Variants in VIPR2 observed in about 807,000 individuals in gnomAD.
The protein encoded by VIPR2 is vasoactive intestinal polypeptide receptor 2.
A neutral mutation model predicts 58.0 loss-of-function variants in VIPR2; 48 were observed. That is an observed-to-expected ratio of 0.83 (90% CI 0.66 to 1.05). The LOEUF (loss-of-function observed/expected upper bound fraction) is 1.05. VIPR2 is among the 50% of genes least tolerant of loss of function. The pLI is 0.00. For synonymous variants in VIPR2, 243 were observed against 235.2 expected, an observed-to-expected ratio of 1.03 and a Z score of -0.30; for missense variants, 534 against 558.0, an observed-to-expected ratio of 0.96 and a Z score of 0.43.
chr7:159,063,524 C>T (rs1164043171), intron 4 of VIPR2, among the ~76,000 whole-genome samples: 3 of 151,998 alleles, frequency 2.0e-5, no homozygotes, highest in African/African-American at 7.2e-5. Context: ...TCCACACCTC[C>T]CTGCAAGCTG....
intron 2 of VIPR2, among the ~76,000 whole-genome samples, chr7:159,118,617 G>A (rs1796334915): frequency 1.3e-5 from 2 of 152,246 alleles, no homozygotes; most frequent in Non-Finnish European, 2.9e-5. Context: ...CATGAGCCCA[G>A]CTCCACTAGC....
chr7:159,034,542 A>G, intron 9 of VIPR2, 39 bp downstream of exon 9: 1 of 1,586,032 alleles, frequency 6.3e-7, no homozygotes, highest in Non-Finnish European at 8.7e-7. Flanking sequence ...CAAGTGTGTG[A>G]TTCCACAGAT....
chr7:159,129,304 G>C (rs1195766473), intron 2 of VIPR2, among the ~76,000 whole-genome samples: 1 of 129,592 alleles, frequency 7.7e-6, no homozygotes. Context: ...CAGGTGACCA[G>C]CTTCACACTC....
At chr7:159,073,542 C>T (rs895471030) in intron 4 of VIPR2, among the ~76,000 whole-genome samples, 1 of 152,070 alleles carries the variant, frequency 6.6e-6, no homozygotes, top group Admixed American at 6.5e-5. Context: ...CTTAGCCTCC[C>T]GAGTAGCTGG....
Position 159,142,450 on chromosome 7 carries a change from G to A in VIPR2, c.147C>T (p.His49=). 1 of 1,612,376 alleles carries A rather than the reference G, an allele frequency of 6.2e-7. No individual in the cohort carries two copies. The highest frequency in any genetic ancestry group is 8.5e-7 in the Non-Finnish European group (1 of 1,179,162). The change falls in exon 2 of 13, where the codon CAC becomes CAT. Residue 49 remains histidine (H), a synonymous_variant. Coordinates refer to ENST00000262178, the MANE Select transcript of VIPR2 (RefSeq NM_003382.5). ...AELLRSQTEK[H]KACSGVWDNI... is the part of the protein sequence containing the mutation. ...CTCACCAAGCCTCTGCCTTACCTTTGTGTTTTTCTGTTTGAGACCTCAGAA... is the reference window on the plus strand; with the variant it reads ...CTCACCAAGCCTCTGCCTTACCTTTATGTTTTTCTGTTTGAGACCTCAGAA...
intron 8 of VIPR2, among the ~76,000 whole-genome samples, chr7:159,035,146 C>T (rs1173984956): frequency 6.6e-6 from 1 of 152,202 alleles, no homozygotes; most frequent in Non-Finnish European, 1.5e-5. Flanking sequence ...TTGTAAAACG[C>T]CTCAGTGATT....
At chr7:159,113,985 T>C (rs1400530550) in intron 2 of VIPR2, among the ~76,000 whole-genome samples, 1 of 152,226 alleles carries the variant, frequency 6.6e-6, no homozygotes, top group Non-Finnish European at 1.5e-5. Context: ...GAGACTATTA[T>C]CTTCATACAG....
chr7:159,088,143 C>T (rs1477564213), intron 4 of VIPR2, among the ~76,000 whole-genome samples: 2 of 152,210 alleles, frequency 1.3e-5, no homozygotes, highest in Non-Finnish European at 2.9e-5. Context: ...AATGGTTCTT[C>T]CTCTACCTAC....
chr7:159,054,632 G>A (rs559095831), intron 5 of VIPR2, among the ~76,000 whole-genome samples: 51 of 152,330 alleles, frequency 3.3e-4, no homozygotes, highest in Admixed American at 3.3e-4. Flanking sequence ...AGACGCACAA[G>A]AATGGCTGAA....
At chr7:159,075,998 T>C (rs995137747) in intron 4 of VIPR2, among the ~76,000 whole-genome samples, 4 of 152,350 alleles carry the variant, frequency 2.6e-5, no homozygotes, top group African/African-American at 9.6e-5. Context: ...TTGCCCATTT[T>C]CTTGAGTAAT....
intron 3 of VIPR2, among the ~76,000 whole-genome samples, chr7:159,105,722 C>T (rs185549646): frequency 5.8e-4 from 88 of 152,330 alleles, no homozygotes; most frequent in African/African-American, 2.0e-3. Context: ...AGACCCCATA[C>T]ACGGTAGAGG....
intron 2 of VIPR2, among the ~76,000 whole-genome samples, chr7:159,118,866 C>T (rs1216378247): frequency 6.6e-6 from 1 of 152,258 alleles, no homozygotes; most frequent in Non-Finnish European, 1.5e-5. Flanking sequence ...TCCGAGTGCA[C>T]AGAACCGAGG....
At chr7:159,121,823 C>T (rs958102711) in intron 2 of VIPR2, among the ~76,000 whole-genome samples, 1 of 152,152 alleles carries the variant, frequency 6.6e-6, no homozygotes, top group Non-Finnish European at 1.5e-5. Context: ...GGACTTTTAT[C>T]CTGTCCTTTT....
chr7:159,125,463 G>C (rs1408077564), intron 2 of VIPR2, among the ~76,000 whole-genome samples: 1 of 152,196 alleles, frequency 6.6e-6, no homozygotes, highest in Non-Finnish European at 1.5e-5. Context: ...GGACTGGAAA[G>C]GCCACAGAGC....
intron 3 of VIPR2, among the ~76,000 whole-genome samples, chr7:159,107,644 C>T (rs756121279): frequency 6.0e-5 from 9 of 150,352 alleles, no homozygotes; most frequent in South Asian, 2.1e-4. Context: ...CTTCTGGAAC[C>T]GCTGCAGGGC....
chr7:159,088,377 T>C (rs1342501970), intron 4 of VIPR2, among the ~76,000 whole-genome samples: 4 of 151,672 alleles, frequency 2.6e-5, no homozygotes, highest in Non-Finnish European at 5.9e-5. Context: ...GTAGCATACC[T>C]GTACACCACA....
At position 159,127,960 on chromosome 7, in the gene VIPR2, A is replaced by AT. The variant is rs1398421625; in HGVS notation, c.151+14485dup. On this transcript the variant is annotated intron_variant, in intron 2 of 12. Transcript: ENST00000262178. This position sits in a 1 kb window ranked among gnomAD's most constrained non-coding sequence, Gnocchi z 4.6. ...TCCAAGGACAATCTTCCATAGATTT[A>AT]TGATTGGGACTTGTGTCTCTTCCTG... Among the ~76,000 whole-genome samples, 1 of 152,166 alleles carries AT rather than the reference A, an allele frequency of 6.6e-6. No homozygotes were observed. The highest frequency in any genetic ancestry group is 2.4e-5 in the African/African-American group (1 of 41,436).
chr7:159,063,136 C>T (rs2540346), intron 4 of VIPR2, among the ~76,000 whole-genome samples: 97,864 of 152,064 alleles, frequency 0.64, 32,476 homozygotes, highest in East Asian at 0.73. Context: ...TTTTGCGCTG[C>T]GTGCCCGCAG....
rs117079151 is a variant in VIPR2, at chr7:159,100,576, G to A, written c.357+3181C>T. On this transcript the variant is annotated intron_variant, in intron 4 of 12. Coordinates refer to ENST00000262178, the MANE Select transcript of VIPR2 (RefSeq NM_003382.5). The stretch of plus-strand genomic sequence containing the variant: ...CAGCACCACCTTATCCACTAGCCAC[G>A]TGATATGGTTTTCCTGTGTCCCCGC... Among the ~76,000 whole-genome samples, 13 of 152,316 alleles carry A rather than the reference G, an allele frequency of 8.5e-5. No homozygotes were observed. The East Asian group carries it at 2.3e-3, about 27-fold the overall frequency.
Sources: allele counts gnomAD v4.1 joint callset (sites outside exome capture counted in the v4.1 genomes callset), GRCh38; gene constraint gnomAD v4.1.1; non-coding constraint Gnocchi (gnomAD v3.1); transcripts MANE v1.5; gene names NCBI Gene and HGNC (gene_info 2026-07-23, HGNC 2026-07-21).